Variants in DOK6 observed in about 807,000 individuals in gnomAD.
DOK6 encodes docking protein 6, also known as downstream of tyrosine kinase 6.
Under a neutral mutation model 44.0 loss-of-function variants are expected in DOK6, and 22 were observed. The observed-to-expected ratio is 0.50, with a 90% confidence interval of 0.36 to 0.71. The LOEUF (loss-of-function observed/expected upper bound fraction) is 0.71. DOK6 is among the 30% of genes least tolerant of loss of function. The probability of loss-of-function intolerance (pLI) is 0.00; values close to 1 mark genes in which losing one functional copy is unlikely to be tolerated. For synonymous variants in DOK6, 166 were observed against 145.5 expected, an observed-to-expected ratio of 1.14 and a Z score of -1.01; for missense variants, 340 against 416.4, an observed-to-expected ratio of 0.82 and a Z score of 1.60.
At chr18:69,619,163 T>C (rs73973507) in intron 3 of DOK6, among the ~76,000 whole-genome samples, 7,254 of 152,246 alleles carry the variant, frequency 0.048, 550 homozygotes, top group African/African-American at 0.17. Flanking sequence ...CCTGGGAGCC[T>C]GGGCTCACCC....
At chr18:69,518,979 TG>T (rs1411416356) in intron 1 of DOK6, among the ~76,000 whole-genome samples, 2 of 152,114 alleles carry the variant, frequency 1.3e-5, no homozygotes, top group African/African-American at 4.8e-5. Flanking sequence ...ACTCTGTATT[TG>T]ACATGGAAAA....
intron 7 of DOK6, among the ~76,000 whole-genome samples, chr18:69,768,954 C>CGTGTGTGTGTGT (rs61202412): frequency 0.069 from 9,776 of 142,596 alleles, 428 homozygotes; most frequent in Non-Finnish European, 0.078. Flanking sequence ...GAAGGGTGTG[C>CGTGTGTGTGTGT]GTGTGTGTGT....
chr18:69,547,924 AATATATAATAT>A (rs1254862286), intron 1 of DOK6, among the ~76,000 whole-genome samples: 3 of 144,448 alleles, frequency 2.1e-5, no homozygotes, highest in Admixed American at 7.0e-5. Context: ...ATCTATATAT[AATATATAATAT>A]ATATATAATA....
chr18:69,831,552 A>G (rs547806814), intron 7 of DOK6, among the ~76,000 whole-genome samples: 15 of 152,202 alleles, frequency 9.9e-5, no homozygotes, highest in Non-Finnish European at 2.1e-4. Context: ...TACATGCTCA[A>G]TGAACAGTGG....
rs561466632 is a variant in DOK6 at position 69,835,059 on chromosome 18, A to G, written c.857-6185A>G. 2.3e-3 allele frequency among the ~76,000 whole-genome samples: 356 copies of G among 152,262 alleles called. 3 individuals carry two copies. Among genetic ancestry groups the G allele is most frequent in the African/African-American group, 8.1e-3 (336 of 41,566 alleles). On this transcript the variant is annotated intron_variant, in intron 7 of 7. Coordinates refer to ENST00000382713, the MANE Select transcript of DOK6 (RefSeq NM_152721.6). ...CACTATCGCAAGAACAGCATGGGGGAACCAACCCCATAATCCAGTCACCTC... is the reference window on the plus strand; with the variant it reads ...CACTATCGCAAGAACAGCATGGGGGGACCAACCCCATAATCCAGTCACCTC...
intron 1 of DOK6, among the ~76,000 whole-genome samples, chr18:69,563,037 GAC>G (rs1408992848): frequency 1.3e-5 from 2 of 152,138 alleles, no homozygotes; most frequent in African/African-American, 4.8e-5. Flanking sequence ...GCAGCCAAAA[GAC>G]ACATGAAAAG....
chr18:69,574,895 C>T (rs1983202656), intron 2 of DOK6, among the ~76,000 whole-genome samples: 1 of 151,890 alleles, frequency 6.6e-6, no homozygotes, highest in Non-Finnish European at 1.5e-5. Context: ...ATTCCCACTT[C>T]CCAAAAATAG....
chr18:69,466,814 G>A (rs1599144323), intron 1 of DOK6, among the ~76,000 whole-genome samples: 1 of 151,740 alleles, frequency 6.6e-6, no homozygotes, highest in Middle Eastern at 3.4e-3. Flanking sequence ...AGGAAAGAAG[G>A]AAGGAAGAAA....
In DOK6 at chr18:69,841,240, C is replaced by G. The variant is rs1982208205; in HGVS notation, c.857-4C>G. ...CAGTAGAGCTCTCCTTTCTTCCTCT[C>G]TAGGTCATGGGTTTGGTTCGTCAAA... On this transcript the variant is annotated splice_polypyrimidine_tract_variant and splice_region_variant and intron_variant, in intron 7 of 7. Coordinates refer to ENST00000382713, the MANE Select transcript of DOK6 (RefSeq NM_152721.6). 1 of 1,614,188 alleles carries G rather than the reference C, an allele frequency of 6.2e-7. No individual in the cohort carries two copies. Among genetic ancestry groups the G allele is most frequent in the East Asian group, 2.2e-5 (1 of 44,884 alleles).
intron 1 of DOK6, among the ~76,000 whole-genome samples, chr18:69,505,023 C>T (rs1981144916): frequency 6.6e-6 from 1 of 152,150 alleles, no homozygotes; most frequent in South Asian, 2.1e-4. Flanking sequence ...TGCATTTATC[C>T]ATATAACTGT....
intron 1 of DOK6, among the ~76,000 whole-genome samples, chr18:69,435,874 T>C (rs182602422): frequency 6.6e-6 from 1 of 152,252 alleles, no homozygotes; most frequent in East Asian, 1.9e-4. Context: ...TTGGCTCATA[T>C]GTGCTTTTCT....
At chr18:69,432,438 T>C (rs2122425592) in intron 1 of DOK6, among the ~76,000 whole-genome samples, 1 of 151,620 alleles carries the variant, frequency 6.6e-6, no homozygotes, top group Non-Finnish European at 1.5e-5. Context: ...AGAGAGACCC[T>C]GTCTCAAAAA....
intron 4 of DOK6, among the ~76,000 whole-genome samples, chr18:69,684,195 C>G (rs889142014): frequency 1.3e-5 from 2 of 152,080 alleles, no homozygotes; most frequent in African/African-American, 4.8e-5. Flanking sequence ...AAATTATAAC[C>G]ACCACTTTTC....
At chr18:69,594,104 C>T (rs1362822491) in intron 2 of DOK6, among the ~76,000 whole-genome samples, 5 of 151,834 alleles carry the variant, frequency 3.3e-5, no homozygotes, top group South Asian at 2.1e-4. Context: ...AAATACAACC[C>T]GTGAATCACT....
chr18:69,767,043 A>G (rs1188887309), intron 7 of DOK6, among the ~76,000 whole-genome samples: 1 of 152,054 alleles, frequency 6.6e-6, no homozygotes, highest in Non-Finnish European at 1.5e-5. Context: ...CCTGGCCAAC[A>G]TGGCAAAACC....
At chr18:69,538,549 C>T (rs1954065630) in intron 1 of DOK6, among the ~76,000 whole-genome samples, 1 of 151,774 alleles carries the variant, frequency 6.6e-6, no homozygotes, top group Non-Finnish European at 1.5e-5. Flanking sequence ...GCCCAGCTAA[C>T]TTTTGCATTT....
intron 7 of DOK6, among the ~76,000 whole-genome samples, chr18:69,789,469 T>TTG (rs928883095): frequency 1.3e-5 from 2 of 151,536 alleles, no homozygotes; most frequent in African/African-American, 4.8e-5. Flanking sequence ...GCGTGTGTGT[T>TTG]TGTGTGTGTG....
At chr18:69,732,903 C>T (rs10163684) in intron 5 of DOK6, among the ~76,000 whole-genome samples, 21,659 of 152,124 alleles carry the variant, frequency 0.14, 1,695 homozygotes, top group Middle Eastern at 0.21. Flanking sequence ...TATCCGAGAC[C>T]GGGTAATTTA....
intron 6 of DOK6, among the ~76,000 whole-genome samples, chr18:69,756,882 A>G (rs999485717): frequency 6.6e-6 from 1 of 152,246 alleles, no homozygotes; most frequent in African/African-American, 2.4e-5. Flanking sequence ...TTTATTCATT[A>G]GAGGATTGCT....
Sources: allele counts gnomAD v4.1 joint callset (sites outside exome capture counted in the v4.1 genomes callset), GRCh38; gene constraint gnomAD v4.1.1; transcripts MANE v1.5; gene names NCBI Gene and HGNC (gene_info 2026-07-23, HGNC 2026-07-21).